PSMB1: variants seen among roughly 807,000 people sequenced by gnomAD.
PSMB1 encodes proteasome 20S subunit beta 1.
In PSMB1, 7 loss-of-function variants were observed where a neutral mutation model predicts 25.4. That is an observed-to-expected ratio of 0.28 (90% confidence interval 0.16 to 0.52). PSMB1 has a LOEUF of 0.52. PSMB1 is among the 20% of genes least tolerant of loss of function. The pLI is 0.97. For synonymous variants in PSMB1, 119 were observed against 115.0 expected (o/e 1.03, Z -0.22); for missense variants, 284 against 302.2 (o/e 0.94, Z 0.45).
intron 4 of PSMB1, among the ~76,000 whole-genome samples, chr6:170,538,630 C>T (rs1562351152): frequency 6.6e-6 from 1 of 152,036 alleles, no homozygotes; most frequent in African/African-American, 2.4e-5. Flanking sequence ...ACCCAGGAGG[C>T]GGAGGTTGTG....
intron 1 of PSMB1, among the ~76,000 whole-genome samples, chr6:170,552,546 C>T (rs897602604): frequency 1.3e-5 from 2 of 151,822 alleles, no homozygotes; most frequent in Non-Finnish European, 2.9e-5. Flanking sequence ...ATCTATGAAA[C>T]TAAGTTTGCT....
intron 4 of PSMB1, among the ~76,000 whole-genome samples, chr6:170,539,705 C>G (rs1778734543): frequency 6.6e-6 from 1 of 152,100 alleles, no homozygotes. Flanking sequence ...AAAAATTTAT[C>G]TGACCCAATA....
intron 5 of PSMB1, chr6:170,536,639 A>G (rs1200608149): frequency 2.8e-5 from 10 of 357,960 alleles, no homozygotes; most frequent in African/African-American, 1.7e-4. Context: ...AATTTTCTTA[A>G]TAACATTCTC....
In PSMB1 at chr6:170,536,900, G is replaced by A. The variant is rs535683022; in HGVS notation, c.540+334C>T. Reference sequence around the variant, plus strand: ...GTATTGGGTAACACAGAAAGGGGGGGTAAGAGGGAAAAAGGCATTTTTATG... The same window carrying A: ...GTATTGGGTAACACAGAAAGGGGGGATAAGAGGGAAAAAGGCATTTTTATG... On this transcript the variant is annotated intron_variant, in intron 5 of 5. Transcript: ENST00000262193. Among the ~76,000 whole-genome samples, 14 of 152,212 alleles carry A rather than the reference G, an allele frequency of 9.2e-5. No individual in the cohort carries two copies. The East Asian group carries it at 2.7e-3, about 29-fold the overall frequency.
At chr6:170,551,401 A>G (rs905918618) in intron 1 of PSMB1, among the ~76,000 whole-genome samples, 5 of 152,192 alleles carry the variant, frequency 3.3e-5, no homozygotes, top group African/African-American at 1.2e-4. Flanking sequence ...ACAGAGTAGG[A>G]AAAGAGAATG....
At chr6:170,544,721 ATATC>A (rs1292063646) in intron 3 of PSMB1, among the ~76,000 whole-genome samples, 1 of 152,130 alleles carries the variant, frequency 6.6e-6, no homozygotes, top group African/African-American at 2.4e-5. Flanking sequence ...AGACAGATAG[ATATC>A]TAACTAGCAC....
intron 1 of PSMB1, 32 bp downstream of exon 1, chr6:170,553,098 A>C (rs1196863307): frequency 4.3e-5 from 66 of 1,550,930 alleles, no homozygotes; most frequent in Non-Finnish European, 5.1e-5. Context: ...GGAAGGGCGA[A>C]AGTGAAAGCC....
intron 1 of PSMB1, among the ~76,000 whole-genome samples, chr6:170,550,774 GA>G (rs1778884011): frequency 6.6e-6 from 1 of 152,016 alleles, no homozygotes; most frequent in African/African-American, 2.4e-5. Flanking sequence ...TAGGAACTGG[GA>G]AAACCAATTA....
rs549380479 is a variant in PSMB1, at chr6:170,553,021, G to C, written c.113+109C>G. 15 of 944,062 alleles carry C rather than the reference G, an allele frequency of 1.6e-5. No homozygotes were observed. In the East Asian group the frequency reaches 3.2e-4, roughly 20 times the overall value. 58.5% of individuals were successfully genotyped at this position (944,062 alleles called of 1,614,324 possible). ...GCGGACCCCCTCAGCTCAGGGTTCT[G>C]AGGCCTGCAGGAGCCCGGGGCAGCG... On this transcript the variant is annotated intron_variant, in intron 1 of 5. Coordinates refer to ENST00000262193, the MANE Select transcript of PSMB1 (RefSeq NM_002793.4).
chr6:170,535,254 A>G lies in PSMB1; in HGVS notation c.692T>C (p.Ile231Thr). 1 of 1,614,132 alleles carries G rather than the reference A, an allele frequency of 6.2e-7. No homozygotes were observed. Among genetic ancestry groups the G allele is most frequent in the Non-Finnish European group, 8.5e-7 (1 of 1,180,018 alleles). The change falls in exon 6 of 6, where the codon ATC (isoleucine) becomes ACC (threonine). Residue 231 changes from isoleucine (I) to threonine (T), a missense_variant. Transcript: ENST00000262193. ...CCTTAAGGAAACAGTTTCCTCCCTGATGCCCTCTTTGGTCACTATGCAGAT... is the reference window on the plus strand; with the variant it reads ...CCTTAAGGAAACAGTTTCCTCCCTGGTGCCCTCTTTGGTCACTATGCAGAT... ...LRICIVTKEGIREETVSLRKD is the reference protein window; with the variant it reads ...LRICIVTKEGTREETVSLRKD
intron 3 of PSMB1, among the ~76,000 whole-genome samples, chr6:170,544,962 T>A (rs1310935398): frequency 6.6e-6 from 1 of 151,888 alleles, no homozygotes; most frequent in East Asian, 1.9e-4. Flanking sequence ...CTGGCCAACA[T>A]GGTGAAACCC....
intron 2 of PSMB1, among the ~76,000 whole-genome samples, chr6:170,546,702 G>A (rs905351484): frequency 6.6e-6 from 1 of 152,142 alleles, no homozygotes; most frequent in Non-Finnish European, 1.5e-5. Context: ...CTGACCTCAG[G>A]TAATCCACCT....
chr6:170,536,180 G>T, intron 5 of PSMB1: 1 of 321,830 alleles, frequency 3.1e-6, no homozygotes, highest in Non-Finnish European at 6.2e-6. Context: ...TTGGAGACTC[G>T]CAACACTTTG....
In PSMB1 at chr6:170,535,493, C is replaced by T. The variant is rs548517869; in HGVS notation, c.541-88G>A. ...GTTTCTTCCAATACCCTCATGTGTA[C>T]GAGGATTTGTGATGAAAATACTACA... On this transcript the variant is annotated intron_variant, in intron 5 of 5. Transcript: ENST00000262193. The T allele has an allele frequency of 1.4e-4, 165 of 1,142,272 alleles. No individual in the cohort carries two copies. In the South Asian group the frequency reaches 2.1e-3, roughly 15 times the overall value. The allele number at this position is 1,142,272 out of a possible 1,614,324, so 70.8% of individuals were successfully genotyped here.
intron 5 of PSMB1, among the ~76,000 whole-genome samples, 170 bp from the exon 6 acceptor site, chr6:170,535,575 C>T (rs1446766353): frequency 6.6e-6 from 1 of 152,210 alleles, no homozygotes; most frequent in African/African-American, 2.4e-5. Flanking sequence ...GGATGAATTA[C>T]ACACATCAGA....
At chr6:170,536,806 C>T (rs893770726) in intron 5 of PSMB1, among the ~76,000 whole-genome samples, 4 of 152,140 alleles carry the variant, frequency 2.6e-5, no homozygotes, top group Non-Finnish European at 5.9e-5. Flanking sequence ...TTTTCCAGTG[C>T]TCGGGGAACT....
At chr6:170,547,881 C>CAAA (rs5881874) in intron 2 of PSMB1, among the ~76,000 whole-genome samples, 3,679 of 112,832 alleles carry the variant, frequency 0.033, 177 homozygotes, top group African/African-American at 0.079. Flanking sequence ...ACGTGTTTCA[C>CAAA]AAAAAAAAAA....
intron 4 of PSMB1, 63 bp downstream of exon 4, chr6:170,543,538 T>A: frequency 1.4e-6 from 2 of 1,438,424 alleles, no homozygotes; most frequent in Non-Finnish European, 1.9e-6. Context: ...TCTAGATGGA[T>A]ACACACATCT....
intron 1 of PSMB1, among the ~76,000 whole-genome samples, chr6:170,552,467 T>C: frequency 6.6e-6 from 1 of 152,026 alleles, no homozygotes; most frequent in Non-Finnish European, 1.5e-5. Flanking sequence ...ACACACATAC[T>C]AAAAGGTCCA....
Sources: allele counts gnomAD v4.1 joint callset (sites outside exome capture counted in the v4.1 genomes callset), GRCh38; gene constraint gnomAD v4.1.1; transcripts MANE v1.5; gene names NCBI Gene and HGNC (gene_info 2026-07-23, HGNC 2026-07-21).